FUT8: variants seen among roughly 807,000 people sequenced by gnomAD.
FUT8 encodes the protein fucosyltransferase 8.
Under a neutral mutation model 71.3 loss-of-function variants are expected in FUT8, and 29 were observed. The ratio of observed to expected loss-of-function variants is 0.41; its 90% CI spans 0.30 to 0.55. FUT8 has a LOEUF of 0.55. FUT8 is among the 20% of genes least tolerant of loss of function. FUT8 has a pLI of 0.34. For missense variants in FUT8, 544 were observed against 702.1 expected (o/e 0.77, Z 2.55); for synonymous variants, 254 against 239.3 (o/e 1.06, Z -0.57).
intron 2 of FUT8, among the ~76,000 whole-genome samples, chr14:65,525,202 TTTGG>T (rs74196006): frequency 0.065 from 9,896 of 152,194 alleles, 356 homozygotes; most frequent in Admixed American, 0.11. Context: ...CTGGACTTTT[TTTGG>T]TTGGTAGGCT....
At chr14:65,738,122 A>G (rs1032658980) in intron 10 of FUT8, among the ~76,000 whole-genome samples, 17 of 152,128 alleles carry the variant, frequency 1.1e-4, no homozygotes, top group African/African-American at 3.6e-4. Flanking sequence ...CTAGCTTACA[A>G]TGCTGAGTGC....
At chr14:65,421,987 T>C (rs1173828312) in intron 1 of FUT8, among the ~76,000 whole-genome samples, 1 of 152,132 alleles carries the variant, frequency 6.6e-6, no homozygotes, top group Non-Finnish European at 1.5e-5. Flanking sequence ...GAGTTGACAG[T>C]ACTTTCTGTA....
At chr14:65,576,527 C>T (rs192276029) in intron 3 of FUT8, among the ~76,000 whole-genome samples, 141 of 151,632 alleles carry the variant, frequency 9.3e-4, no homozygotes, top group African/African-American at 3.3e-3. Flanking sequence ...TACTTGTTTC[C>T]GTTTTTGTTT....
intron 2 of FUT8, among the ~76,000 whole-genome samples, chr14:65,461,514 C>T (rs939292988): frequency 1.3e-5 from 2 of 152,166 alleles, no homozygotes; most frequent in Non-Finnish European, 2.9e-5. Context: ...CTATGGCAGA[C>T]TGATGTTAGC....
chr14:65,727,224 T>TA (rs1411260732), intron 9 of FUT8, among the ~76,000 whole-genome samples: 1 of 149,294 alleles, frequency 6.7e-6, no homozygotes, highest in Non-Finnish European at 1.5e-5. Flanking sequence ...ACAGCTCCAC[T>TA]AGGCGGTGTC....
chr14:65,456,448 T>C (rs2139562566), intron 2 of FUT8, among the ~76,000 whole-genome samples: 1 of 152,326 alleles, frequency 6.6e-6, no homozygotes, highest in African/African-American at 2.4e-5. Flanking sequence ...TATTGCTGAG[T>C]AGTGTTCCAT....
At chr14:65,521,262 T>C (rs1239838605) in intron 2 of FUT8, among the ~76,000 whole-genome samples, 1 of 152,204 alleles carries the variant, frequency 6.6e-6, no homozygotes. Flanking sequence ...CTTGAATTAA[T>C]ACTATAAACA....
At chr14:65,368,582 C>T in the FUT8 span, among the ~76,000 whole-genome samples, 1 of 127,786 alleles carries the variant, frequency 7.8e-6, no homozygotes, top group Non-Finnish European at 1.7e-5. Context: ...AGTGCAGTGG[C>T]GTGATCTCCG....
chr14:65,735,136 A>G (rs1258165024), intron 10 of FUT8, among the ~76,000 whole-genome samples: 1 of 152,128 alleles, frequency 6.6e-6, no homozygotes, highest in African/African-American at 2.4e-5. Context: ...GGTTGTACTC[A>G]TGTTTTGCTT....
intron 6 of FUT8, among the ~76,000 whole-genome samples, chr14:65,657,386 A>C (rs7493004): frequency 0.36 from 53,984 of 152,032 alleles, 11,871 homozygotes; most frequent in Non-Finnish European, 0.5. Flanking sequence ...TTACTGCAGC[A>C]CTTTCCACAA....
chr14:65,506,534 G>A (rs534195086), intron 2 of FUT8, among the ~76,000 whole-genome samples: 48 of 152,146 alleles, frequency 3.2e-4, no homozygotes, highest in Non-Finnish European at 5.9e-4. Flanking sequence ...TGTATAGAAG[G>A]TATGATAATG....
At chr14:65,613,617 T>C (rs994122005) in intron 3 of FUT8, among the ~76,000 whole-genome samples, 6 of 152,244 alleles carry the variant, frequency 3.9e-5, no homozygotes, top group Non-Finnish European at 7.3e-5. Flanking sequence ...CTTTTTATGC[T>C]CCTGTTCAAT....
chr14:65,432,891 C>T (rs1032598717), intron 1 of FUT8, among the ~76,000 whole-genome samples: 1 of 152,160 alleles, frequency 6.6e-6, no homozygotes, highest in Non-Finnish European at 1.5e-5. Context: ...CAACCAACAG[C>T]CCCCGAGACT....
chr14:65,575,898 G>A (rs1886746811), intron 3 of FUT8, among the ~76,000 whole-genome samples: 1 of 152,132 alleles, frequency 6.6e-6, no homozygotes, highest in Non-Finnish European at 1.5e-5. Flanking sequence ...AAGATTACAA[G>A]TGTGAGCCAG....
At chr14:65,611,259 A>G (rs866427731) in intron 3 of FUT8, among the ~76,000 whole-genome samples, 4 of 69,808 alleles carry the variant, frequency 5.7e-5, no homozygotes, top group African/African-American at 3.2e-4. Context: ...ACACACACAC[A>G]CACACACACA....
At chr14:65,517,339 G>T (rs1882780270) in intron 2 of FUT8, among the ~76,000 whole-genome samples, 1 of 152,066 alleles carries the variant, frequency 6.6e-6, no homozygotes, top group Admixed American at 6.6e-5. Context: ...TATTGTGGGG[G>T]TATAAAGAGT....
chr14:65,504,793 A>T (rs1209168724), intron 2 of FUT8, among the ~76,000 whole-genome samples: 1 of 152,076 alleles, frequency 6.6e-6, no homozygotes, highest in East Asian at 1.9e-4. Flanking sequence ...ACATCAGGTG[A>T]TCTGCCCGCC....
At chr14:65,435,379 A>G (rs991657568) in intron 1 of FUT8, among the ~76,000 whole-genome samples, 3 of 152,164 alleles carry the variant, frequency 2.0e-5, no homozygotes, top group African/African-American at 7.2e-5. Context: ...AGACTTTTGG[A>G]TCAGCCTCTT....
intron 3 of FUT8, among the ~76,000 whole-genome samples, chr14:65,614,015 G>A (rs1019530763): frequency 7.9e-5 from 12 of 151,626 alleles, no homozygotes; most frequent in Non-Finnish European, 1.3e-4. Context: ...TCAGGAGGCC[G>A]AGGCACGAGA....
Sources: gnomAD v4.1 joint callset for allele counts (sites outside exome capture counted in the v4.1 genomes callset) on GRCh38, gnomAD v4.1.1 for gene constraint, MANE v1.5 for transcripts, NCBI Gene and HGNC (gene_info 2026-07-23, HGNC 2026-07-21) for gene names.